TAFA4: variants seen among roughly 807,000 people sequenced by gnomAD.
TAFA4 encodes chemokine-like protein TAFA-4.
In TAFA4, 20 loss-of-function variants were observed where a neutral mutation model predicts 21.1. That is an observed-to-expected ratio of 0.95 (90% CI 0.67 to 1.38). TAFA4 has a LOEUF of 1.38. Ranked by LOEUF, TAFA4 falls within the 40% of genes most tolerant of loss-of-function variation. The probability of loss-of-function intolerance (pLI) is 0.00; values close to 1 mark genes in which losing one functional copy is unlikely to be tolerated. For missense variants in TAFA4, 211 were observed against 180.9 expected, an observed-to-expected ratio of 1.17 and a Z score of -0.95; for synonymous variants, 71 against 67.4, an observed-to-expected ratio of 1.05 and a Z score of -0.26.
intron 3 of TAFA4, among the ~76,000 whole-genome samples, chr3:68,829,887 G>T (rs1165602825): frequency 2.0e-5 from 3 of 152,156 alleles, no homozygotes; most frequent in Admixed American, 1.3e-4. Context: ...TCTATTCAGA[G>T]ATTCAACTTC....
At chr3:68,818,798 G>A (rs1704047332) in intron 3 of TAFA4, among the ~76,000 whole-genome samples, 1 of 152,152 alleles carries the variant, frequency 6.6e-6, no homozygotes, top group Admixed American at 6.5e-5. Context: ...CAATAGTAAT[G>A]TCAAAGATCA....
chr3:68,774,397 G>C (rs971775904), intron 3 of TAFA4, among the ~76,000 whole-genome samples: 1 of 152,164 alleles, frequency 6.6e-6, no homozygotes, highest in African/African-American at 2.4e-5. Context: ...GGGAAAGAAA[G>C]ATAAGACCAT....
intron 3 of TAFA4, among the ~76,000 whole-genome samples, chr3:68,837,909 ATATC>A (rs1469763781): frequency 6.6e-6 from 1 of 152,052 alleles, no homozygotes; most frequent in African/African-American, 2.4e-5. Context: ...AAATTCAACT[ATATC>A]TATGGTATAC....
At chr3:68,851,677 G>T (rs2106910154) in intron 3 of TAFA4, among the ~76,000 whole-genome samples, 1 of 152,230 alleles carries the variant, frequency 6.6e-6, no homozygotes, top group South Asian at 2.1e-4. Context: ...GACATAGATT[G>T]CACAACTTGC....
intron 5 of TAFA4, among the ~76,000 whole-genome samples, chr3:68,738,178 G>A (rs1453546972): frequency 6.6e-6 from 1 of 152,182 alleles, no homozygotes; most frequent in Non-Finnish European, 1.5e-5. Flanking sequence ...AAAGAAAGGA[G>A]GGAAACATAT....
At chr3:68,884,466 C>T (rs1004993998) in intron 2 of TAFA4, among the ~76,000 whole-genome samples, 4 of 152,224 alleles carry the variant, frequency 2.6e-5, no homozygotes, top group African/African-American at 4.8e-5. Context: ...TGCCTCCCCA[C>T]GGTCTAACTG....
At chr3:68,771,417 A>G (rs1377500433) in intron 3 of TAFA4, among the ~76,000 whole-genome samples, 1 of 152,176 alleles carries the variant, frequency 6.6e-6, no homozygotes, top group Non-Finnish European at 1.5e-5. Context: ...AGTGCTCCCC[A>G]TGGCCTCTGT....
intron 3 of TAFA4, among the ~76,000 whole-genome samples, chr3:68,825,587 C>T (rs1354790907): frequency 1.3e-5 from 2 of 149,580 alleles, no homozygotes; most frequent in Non-Finnish European, 2.9e-5. Flanking sequence ...TTAACCTTAC[C>T]TTAATGAACA....
In TAFA4 at chr3:68,832,518, A is replaced by T. The variant is rs1173899944; in HGVS notation, c.130+48212T>A. On this transcript the variant is annotated intron_variant, in intron 3 of 5. Coordinates refer to ENST00000295569, the MANE Select transcript of TAFA4 (RefSeq NM_182522.5). ...CCTGGGTATCACCAGCAGAGGCTGC[A>T]GAAAAGCAAATATTGCTACCTGATC... is the stretch of plus-strand genomic sequence containing the variant. Among the ~76,000 whole-genome samples, 4 of 152,076 alleles carry T rather than the reference A, an allele frequency of 2.6e-5. No homozygotes were observed. In the East Asian group the frequency reaches 7.7e-4, roughly 29 times the overall value.
At chr3:68,931,910 T>C (rs189203829) in intron 1 of TAFA4, among the ~76,000 whole-genome samples, 129 of 152,164 alleles carry the variant, frequency 8.5e-4, no homozygotes, top group Non-Finnish European at 1.4e-3. Context: ...CCTATACCAA[T>C]TCATCGAGTG....
intron 3 of TAFA4, among the ~76,000 whole-genome samples, chr3:68,767,062 A>G (rs984030788): frequency 3.9e-5 from 6 of 152,134 alleles, no homozygotes; most frequent in African/African-American, 1.4e-4. Flanking sequence ...TGTTTTGAAT[A>G]TTTTATTTAT....
chr3:68,878,510 T>C (rs2089579434), intron 3 of TAFA4, among the ~76,000 whole-genome samples: 1 of 152,106 alleles, frequency 6.6e-6, no homozygotes, highest in South Asian at 2.1e-4. Flanking sequence ...ACAAAACATA[T>C]TTGCTACCCT....
chr3:68,848,278 C>T (rs527452522), intron 3 of TAFA4, among the ~76,000 whole-genome samples: 16 of 152,184 alleles, frequency 1.1e-4, no homozygotes, highest in Non-Finnish European at 2.2e-4. Flanking sequence ...TCCAGCATTT[C>T]CTGATGTCCT....
chr3:68,895,962 G>A lies in TAFA4; in HGVS notation c.-122-10652C>T, dbSNP rs1001561184. On this transcript the variant is annotated intron_variant, in intron 1 of 5. Coordinates refer to ENST00000295569, the MANE Select transcript of TAFA4 (RefSeq NM_182522.5). ...TTCAGGGATGGCCTGGCCTCACTGA[G>A]AAGGTGACTGTGACATCATGGTGAA... is the stretch of plus-strand genomic sequence containing the variant. 2.0e-5 allele frequency among the ~76,000 whole-genome samples: 3 copies of A among 152,334 alleles called. No homozygotes were observed. The South Asian group carries it at 6.2e-4, about 32-fold the overall frequency.
rs575678695 is a variant in TAFA4 at position 68,860,728 on chromosome 3, C to CA, written c.130+20001dup. Reference sequence around the variant, plus strand: ...TTCATGGAAGATGAATTCCAAGAATCAAAAAAAATGCATTTCAAAGCTAAA... The same window carrying CA: ...TTCATGGAAGATGAATTCCAAGAATCAAAAAAAAATGCATTTCAAAGCTAAA... On this transcript the variant is annotated intron_variant, in intron 3 of 5. Coordinates refer to ENST00000295569, the MANE Select transcript of TAFA4 (RefSeq NM_182522.5). 6.2e-4 allele frequency among the ~76,000 whole-genome samples: 94 copies of CA among 151,102 alleles called. 1 individual carries two copies. The highest frequency in any genetic ancestry group is 1.9e-3 in the African/African-American group (79 of 41,270).
chr3:68,834,164 T>G (rs1301158212), intron 3 of TAFA4, among the ~76,000 whole-genome samples: 1 of 152,142 alleles, frequency 6.6e-6, no homozygotes, highest in African/African-American at 2.4e-5. Flanking sequence ...CCTGGAAGGA[T>G]CCCTTTTAGG....
intron 3 of TAFA4, among the ~76,000 whole-genome samples, chr3:68,806,062 G>T (rs1703692172): frequency 6.6e-6 from 1 of 151,918 alleles, no homozygotes; most frequent in Non-Finnish European, 1.5e-5. Context: ...GAGTACAAAA[G>T]GTGGGTCTTG....
intron 3 of TAFA4, among the ~76,000 whole-genome samples, chr3:68,787,041 T>C (rs909925026): frequency 1.3e-5 from 2 of 152,186 alleles, no homozygotes; most frequent in African/African-American, 4.8e-5. Flanking sequence ...TAATCCTATA[T>C]AACATTTTTA....
At chr3:68,854,653 T>A (rs1210067687) in intron 3 of TAFA4, among the ~76,000 whole-genome samples, 1 of 150,862 alleles carries the variant, frequency 6.6e-6, no homozygotes, top group Non-Finnish European at 1.5e-5. Flanking sequence ...GACTTGGTTT[T>A]GTTTTTGTTA....
Sources: gnomAD v4.1 joint callset for allele counts (sites outside exome capture counted in the v4.1 genomes callset) on GRCh38, gnomAD v4.1.1 for gene constraint, MANE v1.5 for transcripts, NCBI Gene and HGNC (gene_info 2026-07-23, HGNC 2026-07-21) for gene names.